FRS2: variants seen among roughly 807,000 people sequenced by gnomAD.
FRS2 encodes fibroblast growth factor receptor substrate 2.
A neutral mutation model predicts 43.9 loss-of-function variants in FRS2; 8 were observed. The observed-to-expected ratio is 0.18, with a 90% CI of 0.11 to 0.33. The LOEUF (loss-of-function observed/expected upper bound fraction) is 0.33. Ranked by LOEUF, FRS2 falls within the 10% of genes least tolerant of loss-of-function variation. The probability of loss-of-function intolerance (pLI) is 1.00; values close to 1 mark genes in which losing one functional copy is unlikely to be tolerated. For synonymous variants in FRS2, 219 were observed against 220.3 expected, an observed-to-expected ratio of 0.99 and a Z score of 0.05; for missense variants, 534 against 627.6, an observed-to-expected ratio of 0.85 and a Z score of 1.59.
intron 4 of FRS2, among the ~76,000 whole-genome samples, chr12:69,564,837 T>C (rs1880154543): frequency 1.3e-5 from 2 of 152,242 alleles, no homozygotes; most frequent in South Asian, 4.1e-4. Context: ...TTTTCCATCA[T>C]GTGTAGGATA....
intron 1 of FRS2, among the ~76,000 whole-genome samples, chr12:69,496,701 C>T (rs1872930967): frequency 6.6e-6 from 1 of 152,196 alleles, no homozygotes; most frequent in Non-Finnish European, 1.5e-5. Flanking sequence ...ACACTCTATA[C>T]TTTGTAGCTT....
intron 1 of FRS2, among the ~76,000 whole-genome samples, chr12:69,472,813 T>A (rs964630536): frequency 7.9e-5 from 12 of 152,232 alleles, no homozygotes; most frequent in African/African-American, 2.9e-4. Flanking sequence ...TGAGTTGTAT[T>A]CTTTAGGCAT....
Position 69,578,915 on chromosome 12 carries a change from C to G in FRS2, c.*3960C>G, listed in dbSNP as rs1278365403. On this transcript the variant is annotated 3_prime_UTR_variant, in exon 9 of 9. Transcript: ENST00000549921. The stretch of plus-strand genomic sequence containing the variant: ...ATGGTTAATTTCTTTTATAAACATT[C>G]CATATTTCTCTAATAAAAAGACATA... 2 of 152,466 alleles carry G rather than the reference C, an allele frequency of 1.3e-5. No individual in the cohort carries two copies. Among genetic ancestry groups the G allele is most frequent in the Non-Finnish European group, 2.9e-5 (2 of 68,002 alleles). 9.4% of individuals were successfully genotyped at this position (152,466 alleles called of 1,614,324 possible).
At chr12:69,557,594 T>TTTTGTGTG (rs58679577) in intron 3 of FRS2, among the ~76,000 whole-genome samples, 32 of 137,068 alleles carry the variant, frequency 2.3e-4, no homozygotes, top group African/African-American at 7.1e-4. Context: ...TGAAGGTTGA[T>TTTTGTGTG]TGTGTGTGTG....
chr12:69,475,329 CGAAA>C (rs1309185036), intron 1 of FRS2, among the ~76,000 whole-genome samples: 1 of 151,984 alleles, frequency 6.6e-6, no homozygotes, highest in African/African-American at 2.4e-5. Flanking sequence ...TTGGGAATGT[CGAAA>C]GAGTCCTGTG....
rs1881367169 is a variant in FRS2 at position 69,578,874 on chromosome 12, T to G, written c.*3919T>G. The G allele has an allele frequency of 6.6e-6, 1 of 152,624 alleles. No homozygotes were observed. 9.5% of individuals were successfully genotyped at this position (152,624 alleles called of 1,614,324 possible). On this transcript the variant is annotated 3_prime_UTR_variant, in exon 9 of 9. Transcript: ENST00000549921. ...TACCATTGCCAAATTGTATATGAAA[T>G]ATGAATTTTACCCCCATGGTTAATT...
intron 1 of FRS2, among the ~76,000 whole-genome samples, chr12:69,478,694 AC>A (rs1871069944): frequency 6.6e-6 from 1 of 150,740 alleles, no homozygotes; most frequent in East Asian, 1.9e-4. Flanking sequence ...TTCAGAATTT[AC>A]TTTTATTCTT....
chr12:69,529,360 A>G (rs1258507023), intron 1 of FRS2, among the ~76,000 whole-genome samples: 1 of 152,320 alleles, frequency 6.6e-6, no homozygotes, highest in East Asian at 1.9e-4. Context: ...ATGGTGGCTC[A>G]TTCCTGTAAT....
intron 1 of FRS2, among the ~76,000 whole-genome samples, chr12:69,493,676 G>A (rs1226230719): frequency 6.6e-6 from 1 of 152,134 alleles, no homozygotes; most frequent in Non-Finnish European, 1.5e-5. Context: ...AGCCGAGATC[G>A]CGCCATTGCA....
intron 1 of FRS2, among the ~76,000 whole-genome samples, chr12:69,522,309 G>GT (rs1875758666): frequency 1.3e-5 from 2 of 150,816 alleles, no homozygotes; most frequent in Non-Finnish European, 2.9e-5. Flanking sequence ...CTCCTCCTCA[G>GT]TTTTTTTGGA....
chr12:69,496,057 AT>A (rs947530593), intron 1 of FRS2, among the ~76,000 whole-genome samples: 1 of 152,128 alleles, frequency 6.6e-6, no homozygotes, highest in African/African-American at 2.4e-5. Flanking sequence ...GATAATACTA[AT>A]TTTTTTCTTT....
At chr12:69,511,129 G>T (rs1874415313) in intron 1 of FRS2, among the ~76,000 whole-genome samples, 1 of 152,114 alleles carries the variant, frequency 6.6e-6, no homozygotes, top group African/African-American at 2.4e-5. Context: ...CCTGAGGAGG[G>T]TTTTATGCAG....
At chr12:69,541,846 A>G (rs1877936576) in intron 3 of FRS2, among the ~76,000 whole-genome samples, 1 of 141,568 alleles carries the variant, frequency 7.1e-6, no homozygotes, top group Non-Finnish European at 1.5e-5. Flanking sequence ...AAAAAAAAAA[A>G]GTAACACTGT....
intron 1 of FRS2, among the ~76,000 whole-genome samples, chr12:69,478,059 C>T (rs1319728098): frequency 1.3e-5 from 2 of 151,888 alleles, no homozygotes; most frequent in African/African-American, 4.8e-5. Context: ...ATTTTTAAAC[C>T]CTGTGTCTGA....
At chr12:69,514,469 T>C (rs1378530695) in intron 1 of FRS2, among the ~76,000 whole-genome samples, 8 of 152,156 alleles carry the variant, frequency 5.3e-5, no homozygotes, top group Non-Finnish European at 5.9e-5. Context: ...GATGCACATG[T>C]GTGTTTGGCA....
chr12:69,494,090 AT>A (rs1872686677), intron 1 of FRS2, among the ~76,000 whole-genome samples: 1 of 152,142 alleles, frequency 6.6e-6, no homozygotes, highest in South Asian at 2.1e-4. Flanking sequence ...ATATTTGGCA[AT>A]TTTGCACAAT....
chr12:69,527,325 G>GTT (rs200031040), intron 1 of FRS2, among the ~76,000 whole-genome samples: 16 of 76,896 alleles, frequency 2.1e-4, no homozygotes, highest in Admixed American at 5.3e-4. Flanking sequence ...ATGGAGCAAA[G>GTT]TTTTTTTTTT....
chr12:69,536,554 G>A (rs576181400), intron 3 of FRS2, among the ~76,000 whole-genome samples: 142 of 149,020 alleles, frequency 9.5e-4, no homozygotes, highest in African/African-American at 3.3e-3. Context: ...TTGTGTTACC[G>A]ATAGATTTAG....
At chr12:69,558,307 A>T (rs1281739635) in intron 3 of FRS2, among the ~76,000 whole-genome samples, 1 of 152,202 alleles carries the variant, frequency 6.6e-6, no homozygotes, top group Non-Finnish European at 1.5e-5. Context: ...GTTAAGTTAA[A>T]TTCTTCTTGT....
Sources: allele counts gnomAD v4.1 joint callset (sites outside exome capture counted in the v4.1 genomes callset), GRCh38; gene constraint gnomAD v4.1.1; transcripts MANE v1.5; gene names NCBI Gene and HGNC (gene_info 2026-07-23, HGNC 2026-07-21).